The following SNX24 variants were observed in gnomAD, a reference collection of about 807,000 sequenced individuals.
SNX24 encodes the protein sorting nexin-24.
Under a neutral mutation model 28.7 loss-of-function variants are expected in SNX24, and 22 were observed. That is an observed-to-expected ratio of 0.77 (90% CI 0.55 to 1.10). The LOEUF is 1.10. SNX24 is among the 50% of genes least tolerant of loss of function. The pLI is 0.00. For synonymous variants in SNX24, 69 were observed against 71.5 expected (o/e 0.96, Z 0.18); for missense variants, 221 against 201.1 (o/e 1.10, Z -0.60).
chr5:122,978,526 G>T (rs545566368), intron 3 of SNX24, among the ~76,000 whole-genome samples: 2 of 152,280 alleles, frequency 1.3e-5, no homozygotes, highest in South Asian at 4.1e-4. Context: ...GAGATATCCA[G>T]TTAAAATGGA....
intron 1 of SNX24, among the ~76,000 whole-genome samples, chr5:122,886,008 C>G (rs968604001): frequency 6.6e-6 from 1 of 151,982 alleles, no homozygotes; most frequent in Non-Finnish European, 1.5e-5. Context: ...TGGTTCCTAA[C>G]AGGCCACAGA....
chr5:122,882,645 G>T (rs148019474), intron 1 of SNX24, among the ~76,000 whole-genome samples: 2 of 152,136 alleles, frequency 1.3e-5, no homozygotes, highest in South Asian at 4.1e-4. Context: ...TTTTTTCCTA[G>T]TATGGACCTA....
intron 1 of SNX24, among the ~76,000 whole-genome samples, chr5:122,846,530 GT>G (rs1754643305): frequency 6.6e-6 from 1 of 152,186 alleles, no homozygotes; most frequent in Non-Finnish European, 1.5e-5. Flanking sequence ...TGAAAGATTT[GT>G]TATTTTATTT....
chr5:123,018,507 T>C (rs899943387), intron 5 of SNX24, among the ~76,000 whole-genome samples: 1 of 152,144 alleles, frequency 6.6e-6, no homozygotes, highest in Non-Finnish European at 1.5e-5. Context: ...AGGCCCACCA[T>C]GCTCCAGGAA....
intron 1 of SNX24, among the ~76,000 whole-genome samples, chr5:122,912,254 CGA>C (rs1757923779): frequency 7.8e-6 from 1 of 128,212 alleles, no homozygotes; most frequent in Admixed American, 8.1e-5. Flanking sequence ...AGTTCACTCA[CGA>C]TTTGGCTCTC....
intron 1 of SNX24, among the ~76,000 whole-genome samples, chr5:122,868,358 G>A (rs780941294): frequency 3.0e-4 from 45 of 152,178 alleles, no homozygotes; most frequent in Non-Finnish European, 6.2e-4. Context: ...AGGTCACATG[G>A]TAACTTGGTG....
chr5:122,924,344 A>G (rs965405526), intron 1 of SNX24, among the ~76,000 whole-genome samples: 8 of 152,216 alleles, frequency 5.3e-5, no homozygotes, highest in Non-Finnish European at 1.2e-4. Flanking sequence ...GAACACAAGC[A>G]CTGCAATACT....
chr5:122,952,137 C>T (rs989493311), intron 3 of SNX24, among the ~76,000 whole-genome samples: 8 of 152,116 alleles, frequency 5.3e-5, no homozygotes, highest in African/African-American at 1.9e-4. Flanking sequence ...GTCCCATTCC[C>T]AAGATATCTC....
rs75129813 is a variant in SNX24 at position 122,859,139 on chromosome 5, A to G, written c.60+13446A>G. Among the ~76,000 whole-genome samples, 1,040 of 152,352 alleles carry G rather than the reference A, an allele frequency of 6.8e-3. 6 individuals carry two copies. The highest frequency in any genetic ancestry group is 0.01 in the Non-Finnish European group (705 of 68,038). ...GGATATTGTAATCATTGGCACTTGA[A>G]TAAATGAATGAATGAGACCTGCTTA... On this transcript the variant is annotated intron_variant, in intron 1 of 6. Coordinates refer to ENST00000261369, the MANE Select transcript of SNX24 (RefSeq NM_014035.4).
At chr5:122,886,569 C>T (rs1473810619) in intron 1 of SNX24, among the ~76,000 whole-genome samples, 2 of 152,150 alleles carry the variant, frequency 1.3e-5, no homozygotes, top group Admixed American at 1.3e-4. Context: ...AATCCCAGCA[C>T]TTTGGGAGGC....
At chr5:122,988,765 C>T (rs566634488) in intron 3 of SNX24, among the ~76,000 whole-genome samples, 6 of 152,252 alleles carry the variant, frequency 3.9e-5, no homozygotes, top group African/African-American at 1.4e-4. Flanking sequence ...ATCTCATTAC[C>T]TATATTCTTG....
In SNX24 at chr5:123,002,067, C is replaced by T. The variant is rs147621219; in HGVS notation, c.442+63C>T. Reference sequence around the variant, plus strand: ...ATCTGACCCTGCACCACATAAACCACGTTTTTAATACAGGTCTAACAGAGT... The same window carrying T: ...ATCTGACCCTGCACCACATAAACCATGTTTTTAATACAGGTCTAACAGAGT... On this transcript the variant is annotated intron_variant, in intron 6 of 6. Transcript: ENST00000261369. 1.3e-4 allele frequency: 170 copies of T among 1,277,872 alleles called. No homozygotes were observed. The African/African-American group carries it at 2.2e-3, about 16-fold the overall frequency. 79.2% of individuals were successfully genotyped at this position (1,277,872 alleles called of 1,614,324 possible).
chr5:122,986,633 A>G (rs1581835527), intron 3 of SNX24, among the ~76,000 whole-genome samples: 1 of 152,178 alleles, frequency 6.6e-6, no homozygotes, highest in Non-Finnish European at 1.5e-5. Context: ...TTTGCAGAGC[A>G]TGAAAGAGTG....
At chr5:122,992,092 A>G (rs760828774) in intron 3 of SNX24, among the ~76,000 whole-genome samples, 6 of 152,222 alleles carry the variant, frequency 3.9e-5, no homozygotes, top group African/African-American at 1.4e-4. Context: ...GAATGAATGA[A>G]TGACGCTGAA....
chr5:123,011,373 T>A (rs532498743), downstream of SNX24, among the ~76,000 whole-genome samples: 1 of 152,312 alleles, frequency 6.6e-6, no homozygotes, highest in African/African-American at 2.4e-5. Flanking sequence ...GCAGCCCTCG[T>A]GTCCTTTCTC....
At chr5:122,845,793 C>G (rs1754595447) in intron 1 of SNX24, 100 bp downstream of exon 1, 1 of 639,602 alleles carries the variant, frequency 1.6e-6, no homozygotes, top group Non-Finnish European at 2.3e-6. Flanking sequence ...CGCAGGGGGT[C>G]CCCTCGTTTT....
chr5:122,885,160 G>A (rs1219040540), intron 1 of SNX24, among the ~76,000 whole-genome samples: 2 of 152,206 alleles, frequency 1.3e-5, no homozygotes, highest in Admixed American at 6.5e-5. Context: ...GAGGCTGGGT[G>A]TGTAGGTGGG....
intron 1 of SNX24, among the ~76,000 whole-genome samples, chr5:122,911,450 C>T (rs1409810015): frequency 2.0e-5 from 3 of 151,882 alleles, no homozygotes; most frequent in Non-Finnish European, 4.4e-5. Context: ...GTTTCTTTTG[C>T]TGTGCAGAAG....
At chr5:122,855,003 A>T (rs549888465) in intron 1 of SNX24, among the ~76,000 whole-genome samples, 6 of 152,172 alleles carry the variant, frequency 3.9e-5, no homozygotes, top group African/African-American at 1.4e-4. Context: ...GTTTGCCTTG[A>T]TGTTGATGGC....
Sources: gnomAD v4.1 joint callset for allele counts (sites outside exome capture counted in the v4.1 genomes callset) on GRCh38, gnomAD v4.1.1 for gene constraint, MANE v1.5 for transcripts, NCBI Gene and HGNC (gene_info 2026-07-23, HGNC 2026-07-21) for gene names.